Variants in RAD18 observed in about 807,000 individuals in gnomAD.
The protein encoded by RAD18 is E3 ubiquitin-protein ligase RAD18.
RAD18 carries 47 observed loss-of-function variants against 60.4 expected under a neutral mutation model. The observed-to-expected ratio is 0.78, with a 90% CI of 0.62 to 0.99. The LOEUF (loss-of-function observed/expected upper bound fraction) is 0.99, where lower values mean the gene tolerates loss of function less well. RAD18 is among the 50% of genes least tolerant of loss of function. The pLI, the probability that RAD18 is intolerant of heterozygous loss-of-function variation, is 0.00. For missense variants in RAD18, 640 were observed against 593.3 expected, an observed-to-expected ratio of 1.08 and a Z score of -0.82; for synonymous variants, 225 against 195.5, an observed-to-expected ratio of 1.15 and a Z score of -1.26.
rs186924029 is a variant in RAD18 at position 8,961,802 on chromosome 3, G to T, written c.51+1533C>A. ...CAAACTCTACATTCAGTGCTGTGGT[G>T]AGATACCAAAGTCAGAGAAGACATG... On this transcript the variant is annotated intron_variant, in intron 1 of 12. Coordinates refer to ENST00000264926, the MANE Select transcript of RAD18 (RefSeq NM_020165.4). 2.3e-3 allele frequency among the ~76,000 whole-genome samples: 344 copies of T among 152,254 alleles called. 6 individuals carry two copies. The highest frequency in any genetic ancestry group is 0.02 in the Middle Eastern group (6 of 294).
chr3:8,948,753 G>A (rs531501414), intron 2 of RAD18, among the ~76,000 whole-genome samples, 183 bp from the exon 3 acceptor site: 6 of 152,222 alleles, frequency 3.9e-5, no homozygotes, highest in Admixed American at 2.0e-4. Flanking sequence ...GCATTTTAAG[G>A]AAAGGAAAAC....
At chr3:8,890,540 C>A in intron 11 of RAD18, 89 bp from the exon 12 acceptor site, 1 of 1,004,616 alleles carries the variant, frequency 1.0e-6, no homozygotes, top group Admixed American at 2.1e-5. Flanking sequence ...ACAAATGAGT[C>A]TATAGTGACA....
intron 7 of RAD18, among the ~76,000 whole-genome samples, chr3:8,934,418 G>A (rs2125064318): frequency 6.6e-6 from 1 of 152,272 alleles, no homozygotes; most frequent in Non-Finnish European, 1.5e-5. Context: ...TAGGCCCACA[G>A]AACAGAAGAA....
intron 12 of RAD18, among the ~76,000 whole-genome samples, chr3:8,882,338 T>C (rs1403013267): frequency 3.3e-5 from 5 of 152,182 alleles, no homozygotes; most frequent in Non-Finnish European, 7.4e-5. Flanking sequence ...GATTCACTGC[T>C]GCAGGGGGAA....
intron 6 of RAD18, among the ~76,000 whole-genome samples, chr3:8,937,519 G>A (rs376999817): frequency 6.7e-6 from 1 of 149,622 alleles, no homozygotes; most frequent in African/African-American, 2.6e-5. Flanking sequence ...AAGGGTTAAG[G>A]GCTGCCACTC....
At chr3:8,909,688 G>A (rs941282359) in intron 9 of RAD18, among the ~76,000 whole-genome samples, 6 of 151,912 alleles carry the variant, frequency 3.9e-5, no homozygotes, top group South Asian at 2.1e-4. Context: ...AATAATAAAC[G>A]GGTTATTTCC....
chr3:8,907,154 C>A (rs900136158), intron 9 of RAD18, among the ~76,000 whole-genome samples: 6 of 152,208 alleles, frequency 3.9e-5, no homozygotes, highest in Non-Finnish European at 8.8e-5. Context: ...GCCTGGAATA[C>A]CCACTTGCCC....
chr3:8,939,647 C>T lies in RAD18; in HGVS notation c.611G>A (p.Cys204Tyr). The change falls in exon 6 of 13, where the codon TGT (cysteine) becomes TAT (tyrosine). Residue 204 changes from cysteine (C) to tyrosine (Y), a missense_variant. Coordinates refer to ENST00000264926, the MANE Select transcript of RAD18 (RefSeq NM_020165.4). ...STLKQVTKVD[C>Y]PVCGVNIPES... The stretch of plus-strand genomic sequence containing the variant: ...TGGAATGTTAACCCCGCAAACAGGA[C>T]AATCCACTGTATTTTTTAAAAAGAA... 6.2e-7 allele frequency: 1 copy of T among 1,609,628 alleles called. No homozygotes were observed. Among genetic ancestry groups the T allele is most frequent in the Non-Finnish European group, 8.5e-7 (1 of 1,176,990 alleles).
rs1044138949 is a variant in RAD18, at chr3:8,877,932, A to C, written c.*3425T>G. On this transcript the variant is annotated 3_prime_UTR_variant, in exon 13 of 13. Coordinates refer to ENST00000264926, the MANE Select transcript of RAD18 (RefSeq NM_020165.4). The stretch of plus-strand genomic sequence containing the variant: ...CCGGGTGATAGTACACTAGCAAACC[A>C]GGAAAGCACACTCCCATTTCCACTT... The C allele has an allele frequency of 6.6e-6, 1 of 152,298 alleles. No individual in the cohort carries two copies. The highest frequency in any genetic ancestry group is 1.5e-5 in the Non-Finnish European group (1 of 68,078). The allele number at this position is 152,298 out of a possible 1,614,324, so 9.4% of individuals were successfully genotyped here.
chr3:8,894,823 C>T (rs772108239), intron 11 of RAD18, among the ~76,000 whole-genome samples: 2 of 142,988 alleles, frequency 1.4e-5, no homozygotes, highest in African/African-American at 2.7e-5. Flanking sequence ...TGCAGTGGCG[C>T]GATATCGGCT....
chr3:8,910,484 G>A (rs999727256), intron 9 of RAD18, among the ~76,000 whole-genome samples: 3 of 151,974 alleles, frequency 2.0e-5, no homozygotes, highest in African/African-American at 7.2e-5. Flanking sequence ...CCTGTACTCA[G>A]GAGGCGCCAG....
At chr3:8,886,434 T>A (rs571703598) in intron 12 of RAD18, among the ~76,000 whole-genome samples, 1 of 152,332 alleles carries the variant, frequency 6.6e-6, no homozygotes, top group South Asian at 2.1e-4. Context: ...ATTTTGTTTT[T>A]AGTTTACAGT....
intron 2 of RAD18, among the ~76,000 whole-genome samples, chr3:8,955,596 T>C (rs1192145517): frequency 6.6e-6 from 1 of 152,280 alleles, no homozygotes; most frequent in Admixed American, 6.5e-5. Flanking sequence ...TGGGGTGCTT[T>C]GGATCAGCAT....
Position 8,941,521 on chromosome 3 carries a change from C to G in RAD18, c.550G>C (p.Glu184Gln), listed in dbSNP as rs770692918. The G allele has an allele frequency of 6.8e-6, 11 of 1,613,994 alleles. No individual in the cohort carries two copies. The highest frequency in any genetic ancestry group is 1.7e-5 in the Admixed American group (1 of 59,994). ...SVEEIAPDPS[E>Q]AKRPEPPSTS... ...GAGGGTGGCTCAGGACGCTTAGCCT[C>G]TGAGGGATCTGGAGCGATCTCTTCT... The change falls in exon 5 of 13, where the codon GAG (glutamate) becomes CAG (glutamine). Residue 184 changes from glutamate to glutamine, a missense_variant. Coordinates refer to ENST00000264926, the MANE Select transcript of RAD18 (RefSeq NM_020165.4).
intron 2 of RAD18, among the ~76,000 whole-genome samples, chr3:8,955,512 A>G (rs1373229588): frequency 6.6e-6 from 1 of 152,228 alleles, no homozygotes; most frequent in Non-Finnish European, 1.5e-5. Flanking sequence ...CTGGGAGAGA[A>G]TAGTGGAGTG....
intron 9 of RAD18, among the ~76,000 whole-genome samples, chr3:8,910,382 C>T (rs1471863660): frequency 2.6e-5 from 4 of 151,978 alleles, no homozygotes; most frequent in Non-Finnish European, 5.9e-5. Context: ...GGGCGGATCA[C>T]GAGGTCAGGA....
chr3:8,898,842 A>G, intron 11 of RAD18, 52 bp downstream of exon 11: 1 of 1,392,056 alleles, frequency 7.2e-7, no homozygotes, highest in Non-Finnish European at 9.8e-7. Flanking sequence ...ATCTATCTAC[A>G]TGTGCATATG....
chr3:8,957,036 T>C (rs987558409), intron 2 of RAD18, among the ~76,000 whole-genome samples: 7 of 152,172 alleles, frequency 4.6e-5, no homozygotes, highest in African/African-American at 1.7e-4. Flanking sequence ...GACATGATTG[T>C]GTATGCAAAA....
chr3:8,890,827 T>C (rs1201017294), intron 11 of RAD18, among the ~76,000 whole-genome samples: 2 of 152,188 alleles, frequency 1.3e-5, no homozygotes, highest in Non-Finnish European at 2.9e-5. Flanking sequence ...TACTCCAATT[T>C]AAACAAAGCT....
Sources: allele counts gnomAD v4.1 joint callset (sites outside exome capture counted in the v4.1 genomes callset), GRCh38; gene constraint gnomAD v4.1.1; transcripts MANE v1.5; gene names NCBI Gene and HGNC (gene_info 2026-07-23, HGNC 2026-07-21).